Variants in BTRC observed in about 807,000 individuals in gnomAD.
The protein encoded by BTRC is F-box/WD repeat-containing protein 1A.
In BTRC, 42 loss-of-function variants were observed where a neutral mutation model predicts 85.5. The ratio of observed to expected loss-of-function variants is 0.49; its 90% CI spans 0.38 to 0.64. The LOEUF (loss-of-function observed/expected upper bound fraction) is 0.64. Among genes scored for constraint, BTRC ranks in the 30% least tolerant of loss-of-function variants. BTRC has a pLI of 0.00. For synonymous variants in BTRC, 255 were observed against 263.3 expected, an observed-to-expected ratio of 0.97 and a Z score of 0.30; for missense variants, 594 against 743.5, an observed-to-expected ratio of 0.80 and a Z score of 2.34.
At chr10:101,354,503 G>T (rs55843037) in intron 1 of BTRC, 7 of 484,466 alleles carry the variant, frequency 1.4e-5, no homozygotes. Flanking sequence ...GGCGCGCGGG[G>T]CCCTGGAGGG....
At chr10:101,475,535 G>A (rs758446299) in intron 3 of BTRC, among the ~76,000 whole-genome samples, 3 of 150,688 alleles carry the variant, frequency 2.0e-5, no homozygotes, top group East Asian at 2.0e-4. Context: ...GTGAGACTCC[G>A]TCTCAAAACA....
chr10:101,476,564 A>G (rs1945692813), intron 3 of BTRC, among the ~76,000 whole-genome samples: 1 of 151,702 alleles, frequency 6.6e-6, no homozygotes, highest in East Asian at 1.9e-4. Context: ...CTTCAACTCC[A>G]GGGCTCAGTC....
chr10:101,429,885 CTT>C (rs1944358371), intron 1 of BTRC, among the ~76,000 whole-genome samples: 1 of 149,768 alleles, frequency 6.7e-6, no homozygotes, highest in African/African-American at 2.4e-5. Context: ...AAAAAACTCT[CTT>C]AACTGTGGTG....
At chr10:101,487,269 T>C (rs1374772927) in intron 4 of BTRC, among the ~76,000 whole-genome samples, 1 of 152,234 alleles carries the variant, frequency 6.6e-6, no homozygotes, top group Non-Finnish European at 1.5e-5. Flanking sequence ...TGTTACCTAC[T>C]TTCTTATGCC....
intron 1 of BTRC, among the ~76,000 whole-genome samples, chr10:101,407,128 T>A (rs954425040): frequency 1.3e-5 from 2 of 151,900 alleles, no homozygotes; most frequent in African/African-American, 4.8e-5. Flanking sequence ...GAGGCCGAGG[T>A]GGGAGGATCA....
intron 3 of BTRC, among the ~76,000 whole-genome samples, chr10:101,472,275 C>CCTCTCTTCTCTTCTCTTCTCTTCTCT (rs1945546340): frequency 8.8e-6 from 1 of 114,244 alleles, no homozygotes; most frequent in Non-Finnish European, 1.9e-5. Flanking sequence ...TTTTCTTTTC[C>CCTCTCTTCTCTTCTCTTCTCTTCTCT]TCTCTTCTCT....
chr10:101,402,005 G>A (rs1478242475), intron 1 of BTRC, among the ~76,000 whole-genome samples: 2 of 152,092 alleles, frequency 1.3e-5, no homozygotes, highest in East Asian at 3.9e-4. Context: ...AAGATCTGTT[G>A]TTTTCTGTAC....
At chr10:101,389,906 T>C (rs1943193964) in intron 1 of BTRC, among the ~76,000 whole-genome samples, 1 of 152,206 alleles carries the variant, frequency 6.6e-6, no homozygotes, top group Admixed American at 6.5e-5. Context: ...ATTATAGGTA[T>C]GAGCTAAATT....
chr10:101,366,951 T>C (rs1398334841), intron 1 of BTRC, among the ~76,000 whole-genome samples: 1 of 52,954 alleles, frequency 1.9e-5, no homozygotes, highest in African/African-American at 6.0e-5. Flanking sequence ...TATATATTTA[T>C]ATATATATTT....
intron 1 of BTRC, among the ~76,000 whole-genome samples, chr10:101,374,098 A>G (rs960925141): frequency 2.7e-4 from 41 of 152,202 alleles, no homozygotes; most frequent in African/African-American, 9.7e-4. Context: ...CTGCTGGGCC[A>G]AATGGTATTT....
chr10:101,500,847 C>G (rs992333228), intron 4 of BTRC, among the ~76,000 whole-genome samples: 2 of 152,132 alleles, frequency 1.3e-5, no homozygotes, highest in African/African-American at 4.8e-5. Context: ...TTGACCTATT[C>G]TTGGGGTTAT....
chr10:101,364,326 A>G (rs894998994), intron 1 of BTRC, among the ~76,000 whole-genome samples: 6 of 152,154 alleles, frequency 3.9e-5, no homozygotes, highest in African/African-American at 1.4e-4. Flanking sequence ...AATCTTGACT[A>G]TTCCACAGTG....
chr10:101,531,210 C>A, intron 6 of BTRC, 27 bp from the exon 7 acceptor site: 1 of 1,487,584 alleles, frequency 6.7e-7, no homozygotes, highest in South Asian at 1.2e-5. Context: ...TCATGATTTT[C>A]ACTGGGAAAT....
At chr10:101,407,087 G>A (rs1278844754) in intron 1 of BTRC, among the ~76,000 whole-genome samples, 1 of 152,182 alleles carries the variant, frequency 6.6e-6, no homozygotes, top group East Asian at 1.9e-4. Context: ...GCTGGGCAAG[G>A]TGGCTCATGC....
intron 2 of BTRC, among the ~76,000 whole-genome samples, chr10:101,436,625 AATAG>A (rs113369211): frequency 0.041 from 6,086 of 147,026 alleles, 136 homozygotes; most frequent in Middle Eastern, 0.07. Context: ...AATTAAAAAA[AATAG>A]ATAGATAGAT....
At chr10:101,441,707 C>A (rs111733093) in intron 2 of BTRC, among the ~76,000 whole-genome samples, 1 of 151,984 alleles carries the variant, frequency 6.6e-6, no homozygotes, top group Non-Finnish European at 1.5e-5. Context: ...TGGTGAAACC[C>A]AGTCACTACT....
chr10:101,430,811 A>G (rs1240579960), intron 2 of BTRC, among the ~76,000 whole-genome samples: 1 of 152,198 alleles, frequency 6.6e-6, no homozygotes, highest in African/African-American at 2.4e-5. Flanking sequence ...ATAATCAATC[A>G]ATTAATTACA....
intron 1 of BTRC, among the ~76,000 whole-genome samples, chr10:101,380,429 G>C (rs1447242311): frequency 6.6e-6 from 1 of 151,666 alleles, no homozygotes; most frequent in African/African-American, 2.4e-5. Context: ...CAAACTTGGG[G>C]AGGGCAGAAA....
At chr10:101,474,850 C>T (rs539665278) in intron 3 of BTRC, among the ~76,000 whole-genome samples, 1 of 152,136 alleles carries the variant, frequency 6.6e-6, no homozygotes, top group Non-Finnish European at 1.5e-5. Flanking sequence ...TTTTTTAAGT[C>T]GATCTCCAGT....
Sources: allele counts gnomAD v4.1 joint callset (sites outside exome capture counted in the v4.1 genomes callset), GRCh38; gene constraint gnomAD v4.1.1; transcripts MANE v1.5; gene names NCBI Gene and HGNC (gene_info 2026-07-23, HGNC 2026-07-21).